The following SYT9 variants were observed in gnomAD, a reference collection of about 807,000 sequenced individuals.
SYT9 encodes synaptotagmin 9, also known as synaptotagmin-9.
SYT9 carries 22 observed loss-of-function variants against 48.4 expected under a neutral mutation model. The ratio of observed to expected loss-of-function variants is 0.45; its 90% confidence interval spans 0.32 to 0.65. SYT9 has a LOEUF of 0.65. Among genes scored for constraint, SYT9 ranks in the 30% least tolerant of loss-of-function variants. The pLI, the probability that SYT9 is intolerant of heterozygous loss-of-function variation, is 0.03. For synonymous variants in SYT9, 265 were observed against 245.0 expected (o/e 1.08, Z -0.76); for missense variants, 577 against 622.0 (o/e 0.93, Z 0.77).
chr11:7,239,948 A>G (rs1847724086), intron 1 of SYT9, among the ~76,000 whole-genome samples: 1 of 152,186 alleles, frequency 6.6e-6, no homozygotes, highest in South Asian at 2.1e-4. Flanking sequence ...TAAGAGGGAG[A>G]TCATGGCTGA....
chr11:7,449,820 T>C (rs1321222811), intron 6 of SYT9, among the ~76,000 whole-genome samples: 2 of 152,118 alleles, frequency 1.3e-5, no homozygotes, highest in Non-Finnish European at 2.9e-5. Context: ...TCTCCTCATG[T>C]ACCCATTTAT....
intron 1 of SYT9, among the ~76,000 whole-genome samples, chr11:7,291,847 G>A (rs72632949): frequency 0.081 from 12,302 of 152,212 alleles, 676 homozygotes; most frequent in East Asian, 0.23. Flanking sequence ...TCAAGGCCTT[G>A]TCCTGAAGGT....
intron 3 of SYT9, 26 bp downstream of exon 3, chr11:7,313,967 G>A (rs74756582): frequency 0.023 from 37,275 of 1,590,816 alleles, 594 homozygotes; most frequent in African/African-American, 0.046. Flanking sequence ...CTTCATTTTT[G>A]TGGTGGGGGG....
Position 7,464,211 on chromosome 11 carries a change from G to A in SYT9, c.1468-2581G>A, listed in dbSNP as rs1397335941. On this transcript the variant is annotated intron_variant, in intron 6 of 6. Coordinates refer to ENST00000318881, the MANE Select transcript of SYT9 (RefSeq NM_175733.4). The stretch of plus-strand genomic sequence containing the variant: ...TACATATGCATGTCACTAGCTGGGG[G>A]AATCCAGAGAAATGGGATAAGCAGC... Among the ~76,000 whole-genome samples the A allele has an allele frequency of 3.3e-5, 5 of 152,186 alleles. No homozygotes were observed. The East Asian group carries it at 9.6e-4, about 29-fold the overall frequency.
At chr11:7,351,568 T>C (rs6578851) in intron 3 of SYT9, among the ~76,000 whole-genome samples, 134,594 of 152,202 alleles carry the variant, frequency 0.88, 59,645 homozygotes, top group South Asian at 0.96. Context: ...CATCTCCTTT[T>C]GTAAACACCA....
intron 3 of SYT9, among the ~76,000 whole-genome samples, chr11:7,334,328 A>G (rs969551029): frequency 2.0e-5 from 3 of 152,148 alleles, no homozygotes; most frequent in Non-Finnish European, 4.4e-5. Flanking sequence ...TTTTTAAAAA[A>G]TCACTCTGGC....
intron 3 of SYT9, among the ~76,000 whole-genome samples, chr11:7,354,023 T>C (rs1338264624): frequency 1.3e-5 from 2 of 152,246 alleles, no homozygotes; most frequent in Non-Finnish European, 2.9e-5. Context: ...GAACCAAATA[T>C]GGTGAATCAT....
At position 7,433,315 on chromosome 11, in the gene SYT9, T is replaced by C. The variant is rs149583062; in HGVS notation, c.1467+12680T>C. Among the ~76,000 whole-genome samples the C allele has an allele frequency of 1.3e-3, 203 of 152,368 alleles. 1 individual carries two copies. The highest frequency in any genetic ancestry group is 4.7e-3 in the African/African-American group (195 of 41,582). The stretch of plus-strand genomic sequence containing the variant: ...AATTATCCAGTCTTGGATATTTCTT[T>C]ATACCAATGCAAGAATGGACTAATA... On this transcript the variant is annotated intron_variant, in intron 6 of 6. Coordinates refer to ENST00000318881, the MANE Select transcript of SYT9 (RefSeq NM_175733.4).
intron 3 of SYT9, among the ~76,000 whole-genome samples, chr11:7,341,480 C>T (rs895241105): frequency 7.9e-5 from 12 of 152,122 alleles, no homozygotes; most frequent in African/African-American, 2.9e-4. Flanking sequence ...AAGGGCAGTT[C>T]CCCTGCACAC....
intron 6 of SYT9, among the ~76,000 whole-genome samples, chr11:7,426,818 C>T (rs565962570): frequency 1.3e-5 from 2 of 152,228 alleles, no homozygotes; most frequent in Admixed American, 1.3e-4. Flanking sequence ...CTCAGACCTC[C>T]AAGGTTTCCT....
intron 6 of SYT9, chr11:7,435,877 A>G: frequency 6.6e-6 from 1 of 152,418 alleles, no homozygotes. Context: ...GCTACTTGGG[A>G]AGCTGAGGCA....
intron 6 of SYT9, among the ~76,000 whole-genome samples, chr11:7,446,255 G>A (rs1356038320): frequency 6.6e-6 from 1 of 152,220 alleles, no homozygotes; most frequent in African/African-American, 2.4e-5. Context: ...TCGTTGGAAG[G>A]ACTGTACAGT....
In SYT9 at chr11:7,461,779, C is replaced by T. The variant is rs1325863444; in HGVS notation, c.1468-5013C>T. Among the ~76,000 whole-genome samples, 4 of 152,372 alleles carry T rather than the reference C, an allele frequency of 2.6e-5. No individual in the cohort carries two copies. The East Asian group carries it at 7.7e-4, about 29-fold the overall frequency. On this transcript the variant is annotated intron_variant, in intron 6 of 6. Transcript: ENST00000318881. ...TTAATTTGAAGTAACAGACTCCAAA[C>T]ATCCTCCACTTTACTTCATCAGGTA...
At position 7,289,226 on chromosome 11, in the gene SYT9, G is replaced by A. The variant is rs532986056; in HGVS notation, c.146-13813G>A. 5.6e-4 allele frequency among the ~76,000 whole-genome samples: 85 copies of A among 152,278 alleles called. 1 individual carries two copies. The highest frequency in any genetic ancestry group is 2.0e-3 in the African/African-American group (83 of 41,538). ...GTTCTTCCATATGTACCTTTGCAAG[G>A]CAAAGATCCTATCTAGGGACCAGAT... On this transcript the variant is annotated intron_variant, in intron 1 of 6. Transcript: ENST00000318881.
intron 6 of SYT9, among the ~76,000 whole-genome samples, chr11:7,424,263 G>T (rs578126329): frequency 3.2e-4 from 48 of 152,160 alleles, no homozygotes; most frequent in Admixed American, 5.9e-4. Context: ...AGGTCAGCCA[G>T]TAGGGCTCCC....
intron 3 of SYT9, among the ~76,000 whole-genome samples, chr11:7,330,191 A>G (rs1849501946): frequency 6.6e-6 from 1 of 152,222 alleles, no homozygotes; most frequent in African/African-American, 2.4e-5. Context: ...CATACATACA[A>G]TGGAATGCTA....
chr11:7,425,432 G>A (rs1211478265), intron 6 of SYT9, among the ~76,000 whole-genome samples: 4 of 152,144 alleles, frequency 2.6e-5, no homozygotes, highest in Non-Finnish European at 5.9e-5. Context: ...GGAGAGCATG[G>A]GGTGACTGGG....
chr11:7,330,450 A>G (rs1849507580), intron 3 of SYT9, among the ~76,000 whole-genome samples: 1 of 152,166 alleles, frequency 6.6e-6, no homozygotes, highest in Non-Finnish European at 1.5e-5. Flanking sequence ...GGAGGAGGTG[A>G]AACTGCAAAT....
At chr11:7,265,807 C>T (rs1279904205) in intron 1 of SYT9, among the ~76,000 whole-genome samples, 2 of 151,846 alleles carry the variant, frequency 1.3e-5, no homozygotes, top group African/African-American at 4.8e-5. Flanking sequence ...TAAGTAAAAT[C>T]ATGGTCTTCT....
Sources: gnomAD v4.1 joint callset for allele counts (sites outside exome capture counted in the v4.1 genomes callset) on GRCh38, gnomAD v4.1.1 for gene constraint, MANE v1.5 for transcripts, NCBI Gene and HGNC (gene_info 2026-07-23, HGNC 2026-07-21) for gene names.